Variants in MFAP3 observed in about 807,000 individuals in gnomAD.
MFAP3 encodes microfibril-associated glycoprotein 3.
MFAP3 carries 8 observed loss-of-function variants against 20.5 expected under a neutral mutation model. The observed-to-expected ratio is 0.39, with a 90% CI of 0.23 to 0.70. The LOEUF is 0.70. MFAP3 is among the 30% of genes least tolerant of loss of function. The probability of loss-of-function intolerance (pLI) is 0.44; values close to 1 mark genes in which losing one functional copy is unlikely to be tolerated. For synonymous variants in MFAP3, 140 were observed against 154.0 expected (o/e 0.91, Z 0.67); for missense variants, 398 against 444.6 (o/e 0.90, Z 0.94).
At chr5:154,040,908 T>C (rs1772930242) in intron 1 of MFAP3, among the ~76,000 whole-genome samples, 2 of 152,150 alleles carry the variant, frequency 1.3e-5, no homozygotes, top group South Asian at 4.1e-4. Flanking sequence ...TCTGGAAAGT[T>C]AATAAGTTTG....
At chr5:154,051,052 T>G (rs1470244749) in intron 2 of MFAP3, among the ~76,000 whole-genome samples, 1 of 152,206 alleles carries the variant, frequency 6.6e-6, no homozygotes, top group Non-Finnish European at 1.5e-5. Flanking sequence ...TGCACTATTT[T>G]AATCTATAGA....
In MFAP3 at chr5:154,055,833, T is replaced by G. The variant is rs1773317249; in HGVS notation, c.*2120T>G. Among the ~76,000 whole-genome samples the G allele has an allele frequency of 6.6e-6, 1 of 152,122 alleles. No homozygotes were observed. Among genetic ancestry groups the G allele is most frequent in the Non-Finnish European group, 1.5e-5 (1 of 68,006 alleles). The stretch of plus-strand genomic sequence containing the variant: ...TTTGTTGCCCAGGCTGACCTTGTAC[T>G]TGTGGCTTCAAATGATCCTCCTGCC... On this transcript the variant is annotated 3_prime_UTR_variant, in exon 3 of 3. Coordinates refer to ENST00000522782, the MANE Select transcript of MFAP3 (RefSeq NM_005927.5).
At position 154,050,027 on chromosome 5, in the gene MFAP3, C is replaced by A. The variant is rs765526789; in HGVS notation, c.295+10C>A. 8 of 1,596,188 alleles carry A rather than the reference C, an allele frequency of 5.0e-6. No homozygotes were observed. The African/African-American group carries it at 6.7e-5, about 13-fold the overall frequency. Reference sequence around the variant, plus strand: ...GATGGCAGAAGCAGAGGTAATTGGTCAGGGTATAATTAATCAAGGTTACTC... The same window carrying A: ...GATGGCAGAAGCAGAGGTAATTGGTAAGGGTATAATTAATCAAGGTTACTC... On this transcript the variant is annotated intron_variant, in intron 2 of 2. Transcript: ENST00000522782.
In MFAP3 at chr5:154,055,420, G is replaced by T. The variant is rs938722327; in HGVS notation, c.*1707G>T. 3.3e-5 allele frequency among the ~76,000 whole-genome samples: 5 copies of T among 152,130 alleles called. No individual in the cohort carries two copies. The highest frequency in any genetic ancestry group is 1.2e-4 in the African/African-American group (5 of 41,430). On this transcript the variant is annotated 3_prime_UTR_variant, in exon 3 of 3. Transcript: ENST00000522782. ...CATCATGGATAAAGATGATAATGCT[G>T]CCTTTTCTGTCTCTCAGGCTGTTTC...
At chr5:154,045,671 G>C (rs995327305) in intron 1 of MFAP3, among the ~76,000 whole-genome samples, 2 of 152,174 alleles carry the variant, frequency 1.3e-5, no homozygotes, top group Non-Finnish European at 2.9e-5. Context: ...TGTGAGAATA[G>C]ATTCTGTTAT....
chr5:154,049,638 G>C lies in MFAP3; in HGVS notation c.-85G>C, dbSNP rs1581864699. The stretch of plus-strand genomic sequence containing the variant: ...CTTGTTTGGAAAATTTCTCTACCAA[G>C]CAATAAATTACCCGCTGTGCTTTTG... On this transcript the variant is annotated 5_prime_UTR_variant, in exon 2 of 3. Transcript: ENST00000522782. 7 of 1,332,924 alleles carry C rather than the reference G, an allele frequency of 5.3e-6. No individual in the cohort carries two copies. The East Asian group carries it at 1.6e-4, about 31-fold the overall frequency. The allele number at this position is 1,332,924 out of a possible 1,614,324, so 82.6% of individuals were successfully genotyped here.
chr5:154,053,741 A>C lies in MFAP3; in HGVS notation c.*28A>C. ...TACAATGCTGTAACCCAGTACCTAC[A>C]AAATCAGCTCGCTCTCAGAAAAGGA... On this transcript the variant is annotated 3_prime_UTR_variant, in exon 3 of 3. Coordinates refer to ENST00000522782, the MANE Select transcript of MFAP3 (RefSeq NM_005927.5). 2 of 1,548,398 alleles carry C rather than the reference A, an allele frequency of 1.3e-6. No homozygotes were observed. The highest frequency in any genetic ancestry group is 1.7e-6 in the Non-Finnish European group (2 of 1,146,458).
rs562869882 is a variant in MFAP3, at chr5:154,056,843, G to A, written c.*3130G>A. On this transcript the variant is annotated 3_prime_UTR_variant, in exon 3 of 3. Coordinates refer to ENST00000522782, the MANE Select transcript of MFAP3 (RefSeq NM_005927.5). The stretch of plus-strand genomic sequence containing the variant: ...TTAATTCTTGAGTCAGGGCCAGCAC[G>A]CATTTATATTTTCTACCAATTACCT... 4.6e-5 allele frequency among the ~76,000 whole-genome samples: 7 copies of A among 152,138 alleles called. No homozygotes were observed. Among genetic ancestry groups the A allele is most frequent in the African/African-American group, 1.4e-4 (6 of 41,432 alleles).
intron 1 of MFAP3, among the ~76,000 whole-genome samples, chr5:154,044,436 C>T (rs1244349171): frequency 1.3e-5 from 2 of 152,200 alleles, no homozygotes; most frequent in Non-Finnish European, 2.9e-5. Flanking sequence ...TGCTGAACAG[C>T]CTGTTACCTG....
At chr5:154,047,364 A>G (rs1475845156) in intron 1 of MFAP3, among the ~76,000 whole-genome samples, 4 of 152,324 alleles carry the variant, frequency 2.6e-5, no homozygotes, top group Admixed American at 2.0e-4. Flanking sequence ...AGGTAGGCAC[A>G]TGGTAGGTGC....
At chr5:154,041,678 C>T (rs1469990559) in intron 1 of MFAP3, among the ~76,000 whole-genome samples, 1 of 152,140 alleles carries the variant, frequency 6.6e-6, no homozygotes, top group Non-Finnish European at 1.5e-5. Context: ...CCCTGAATTG[C>T]TCAGATTTGT....
At chr5:154,044,704 A>G (rs1194175625) in intron 1 of MFAP3, among the ~76,000 whole-genome samples, 1 of 152,206 alleles carries the variant, frequency 6.6e-6, no homozygotes. Flanking sequence ...CACAAGAACC[A>G]CAAATCTTGG....
chr5:154,040,692 A>G (rs74772290), intron 1 of MFAP3, among the ~76,000 whole-genome samples: 1,582 of 152,310 alleles, frequency 0.01, 40 homozygotes, highest in African/African-American at 0.035. Flanking sequence ...GGCATCCCCT[A>G]GAGATCCCAA....
chr5:154,050,789 C>T (rs1271348176), intron 2 of MFAP3, among the ~76,000 whole-genome samples: 1 of 151,586 alleles, frequency 6.6e-6, no homozygotes, highest in Non-Finnish European at 1.5e-5. Context: ...TATCTTAATC[C>T]AGACTACTCC....
chr5:154,053,137 C>T lies in MFAP3; in HGVS notation c.513C>T (p.Cys171=). 1 of 1,613,850 alleles carries T rather than the reference C, an allele frequency of 6.2e-7. No homozygotes were observed. The highest frequency in any genetic ancestry group is 8.5e-7 in the Non-Finnish European group (1 of 1,179,886). Residue 171 remains cysteine, a synonymous_variant, in exon 3 of 3, where the codon TGC becomes TGT. Coordinates refer to ENST00000522782, the MANE Select transcript of MFAP3 (RefSeq NM_005927.5). ...ITLILNVTRL[C]MMSSHLRKTE... is the part of the protein sequence containing the mutation. ...TCATCTTGAATGTCACACGGCTGTG[C>T]ATGATGAGCAGCCATCTTCGCAAGA... is the stretch of plus-strand genomic sequence containing the variant.
chr5:154,047,259 G>A (rs1203745754), intron 1 of MFAP3, among the ~76,000 whole-genome samples: 1 of 152,188 alleles, frequency 6.6e-6, no homozygotes, highest in East Asian at 1.9e-4. Context: ...ATTTTCCCTT[G>A]GGTAACATTG....
At chr5:154,043,474 C>G (rs1158321508) in intron 1 of MFAP3, among the ~76,000 whole-genome samples, 1 of 151,916 alleles carries the variant, frequency 6.6e-6, no homozygotes, top group Admixed American at 6.6e-5. Context: ...TCGCTTGAAC[C>G]TGGGGGGTGG....
intron 1 of MFAP3, among the ~76,000 whole-genome samples, chr5:154,041,778 G>A (rs1241933169): frequency 2.0e-5 from 3 of 152,200 alleles, no homozygotes; most frequent in South Asian, 2.1e-4. Flanking sequence ...TAAGGGGATA[G>A]TGTGGTATAC....
chr5:154,045,057 C>T (rs1773046239), intron 1 of MFAP3, among the ~76,000 whole-genome samples: 1 of 152,062 alleles, frequency 6.6e-6, no homozygotes, highest in Non-Finnish European at 1.5e-5. Flanking sequence ...CACTCTCTCC[C>T]TTCCCCATCC....
Sources: allele counts gnomAD v4.1 joint callset (sites outside exome capture counted in the v4.1 genomes callset), GRCh38; gene constraint gnomAD v4.1.1; transcripts MANE v1.5; gene names NCBI Gene and HGNC (gene_info 2026-07-23, HGNC 2026-07-21).